TLR6: variants seen among roughly 807,000 people sequenced by gnomAD.
TLR6 encodes toll like receptor 6.
TLR6 carries 9 observed loss-of-function variants against 16.1 expected under a neutral mutation model. The ratio of observed to expected loss-of-function variants is 0.56; its 90% CI spans 0.34 to 0.98. TLR6 has a LOEUF of 0.98. TLR6 is among the 50% of genes least tolerant of loss of function. The probability of loss-of-function intolerance (pLI) is 0.02; values close to 1 mark genes in which losing one functional copy is unlikely to be tolerated. For synonymous variants in TLR6, 340 were observed against 338.6 expected (o/e 1.00, Z -0.04); for missense variants, 786 against 921.0 (o/e 0.85, Z 1.90).
chr4:38,855,274 C>T (rs1712936797), intron 1 of TLR6, among the ~76,000 whole-genome samples: 1 of 150,514 alleles, frequency 6.6e-6, no homozygotes, highest in African/African-American at 2.4e-5. Context: ...ATGATTAAAA[C>T]CTGACATATA....
At chr4:38,845,568 A>G (rs1348418549) in intron 1 of TLR6, among the ~76,000 whole-genome samples, 1 of 152,188 alleles carries the variant, frequency 6.6e-6, no homozygotes, top group Non-Finnish European at 1.5e-5. Flanking sequence ...CTGAAGATAA[A>G]GGAAGGGGAC....
chr4:38,840,373 C>G (rs1004848944), intron 1 of TLR6, among the ~76,000 whole-genome samples: 10 of 152,200 alleles, frequency 6.6e-5, no homozygotes, highest in Admixed American at 4.6e-4. Context: ...GTGGCTCACA[C>G]CTGTAATTCC....
chr4:38,862,841 C>A, the TLR6 span, among the ~76,000 whole-genome samples: 1 of 150,726 alleles, frequency 6.6e-6, no homozygotes, highest in East Asian at 2.0e-4. Context: ...ATGATCCGCC[C>A]GTCTTGGCCT....
chr4:38,865,384 T>A, the TLR6 span, among the ~76,000 whole-genome samples: 1 of 152,146 alleles, frequency 6.6e-6, no homozygotes, highest in Non-Finnish European at 1.5e-5. Context: ...AAATTTGCAG[T>A]GGGCAAAACA....
At chr4:38,841,882 A>G (rs916540886) in intron 1 of TLR6, among the ~76,000 whole-genome samples, 1 of 152,144 alleles carries the variant, frequency 6.6e-6, no homozygotes, top group African/African-American at 2.4e-5. Flanking sequence ...GTACGTCATT[A>G]TTGTTTATTT....
At chr4:38,828,893 A>C (rs5743809) in exon 2 of TLR6, 1 of 1,611,974 alleles carries the variant, frequency 6.2e-7, no homozygotes, top group Non-Finnish European at 8.5e-7. Context: ...TTTTGCATTC[A>C]GAATTTGTAG....
chr4:38,864,516 G>C, the TLR6 span, among the ~76,000 whole-genome samples: 1 of 152,170 alleles, frequency 6.6e-6, no homozygotes, highest in African/African-American at 2.4e-5. Context: ...AGATCAATCG[G>C]GAAATAAATT....
upstream of TLR6, among the ~76,000 whole-genome samples, chr4:38,859,951 G>A (rs950801205): frequency 1.3e-5 from 2 of 151,908 alleles, no homozygotes; most frequent in Non-Finnish European, 2.9e-5. Context: ...AAAAAATAGT[G>A]TCACACTGGG....
At chr4:38,828,706 G>C in exon 2 of TLR6, 2 of 1,614,152 alleles carry the variant, frequency 1.2e-6, no homozygotes, top group South Asian at 2.2e-5. Context: ...CTATGTGGTT[G>C]AGGGTAAAAT....
At chr4:38,860,586 T>C (rs370654173), upstream of TLR6, among the ~76,000 whole-genome samples, 123 of 149,990 alleles carry the variant, frequency 8.2e-4, 1 homozygote, top group African/African-American at 2.8e-3. Context: ...TATCTGCAAC[T>C]TGTATAATCA....
At chr4:38,824,436 C>G (rs574861725) in exon 2 of TLR6, 2 of 152,176 alleles carry the variant, frequency 1.3e-5, no homozygotes, top group African/African-American at 4.8e-5. Context: ...GCCCCTCTGC[C>G]GAGGGGATGT....
chr4:38,847,712 G>T (rs943796944), intron 1 of TLR6, among the ~76,000 whole-genome samples: 2 of 152,238 alleles, frequency 1.3e-5, no homozygotes, highest in Non-Finnish European at 2.9e-5. Context: ...AGCTCAAACT[G>T]CAAGGTGGCA....
the TLR6 span, among the ~76,000 whole-genome samples, chr4:38,862,087 T>C: frequency 1.3e-5 from 2 of 152,140 alleles, no homozygotes; most frequent in African/African-American, 4.8e-5. Flanking sequence ...CCCCTGAAAT[T>C]CTATAAGCCT....
chr4:38,861,167 T>C (rs1713185399), upstream of TLR6, among the ~76,000 whole-genome samples: 2 of 151,982 alleles, frequency 1.3e-5, no homozygotes, highest in South Asian at 4.1e-4. Context: ...AGTCATCTAG[T>C]GAGCCCCATC....
the TLR6 span, among the ~76,000 whole-genome samples, chr4:38,862,941 A>AC: frequency 3.3e-5 from 5 of 150,736 alleles, no homozygotes; most frequent in African/African-American, 1.2e-4. Context: ...AAAAAAAAAA[A>AC]AAAAAAAAAA....
exon 2 of TLR6, chr4:38,827,209 C>T (rs1431892420): frequency 6.2e-7 from 1 of 1,614,094 alleles, no homozygotes; most frequent in Non-Finnish European, 8.5e-7. Flanking sequence ...TCCGCTGCGT[C>T]ATGAGAGCCT....
rs578093537 is a variant in TLR6 at position 38,855,991 on chromosome 4, G to A, written c.-65+770C>T. 1.4e-3 allele frequency among the ~76,000 whole-genome samples: 211 copies of A among 151,918 alleles called. 2 individuals carry two copies. Among genetic ancestry groups the A allele is most frequent in the Middle Eastern group, 3.4e-3 (1 of 294 alleles). On this transcript the variant is annotated intron_variant, in intron 1 of 1. Coordinates refer to ENST00000436693, the Ensembl canonical transcript of TLR6. ...AGACCTATGAAAATTAAAACTACAAGGAAGAAGAGAGCAGAAAAAAAATTA... is the reference window on the plus strand; with the variant it reads ...AGACCTATGAAAATTAAAACTACAAAGAAGAAGAGAGCAGAAAAAAAATTA...
chr4:38,852,566 C>T (rs1026062182), intron 1 of TLR6, among the ~76,000 whole-genome samples: 25 of 152,170 alleles, frequency 1.6e-4, no homozygotes, highest in South Asian at 6.2e-4. Context: ...AAAAAGTGGG[C>T]GAAGGATATG....
At chr4:38,862,755 C>T in the TLR6 span, among the ~76,000 whole-genome samples, 24 of 151,796 alleles carry the variant, frequency 1.6e-4, no homozygotes, top group Non-Finnish European at 8.8e-5. Flanking sequence ...GCCACCACGC[C>T]CAGTTAATTT....
Sources: gnomAD v4.1 joint callset for allele counts (sites outside exome capture counted in the v4.1 genomes callset) on GRCh38, gnomAD v4.1.1 for gene constraint, MANE v1.5 for transcripts, NCBI Gene and HGNC (gene_info 2026-07-23, HGNC 2026-07-21) for gene names.